Variants in GRID2 observed in about 807,000 individuals in gnomAD.
GRID2 encodes the protein glutamate ionotropic receptor delta type subunit 2, also known as glutamate receptor ionotropic, delta-2.
Under a neutral mutation model 114.8 loss-of-function variants are expected in GRID2, and 33 were observed. That is an observed-to-expected ratio of 0.29 (90% CI 0.22 to 0.38). GRID2 has a LOEUF of 0.38. GRID2 is among the 10% of genes least tolerant of loss of function. The pLI is 1.00. For missense variants in GRID2, 1,184 were observed against 1,257.7 expected (o/e 0.94, Z 0.89); for synonymous variants, 505 against 449.9 (o/e 1.12, Z -1.55).
intron 8 of GRID2, among the ~76,000 whole-genome samples, chr4:93,260,144 C>T (rs1463445951): frequency 6.6e-6 from 1 of 151,626 alleles, no homozygotes; most frequent in African/African-American, 2.4e-5. Context: ...ACCATTGATA[C>T]TTTGCCCTAC....
intron 2 of GRID2, among the ~76,000 whole-genome samples, chr4:92,914,106 GTTTAT>G (rs1457142351): frequency 6.6e-6 from 1 of 151,932 alleles, no homozygotes; most frequent in East Asian, 1.9e-4. Context: ...TCGATCTTTG[GTTTAT>G]TTTAGCATCC....
At chr4:93,550,471 T>C (rs1269389772) in intron 13 of GRID2, among the ~76,000 whole-genome samples, 2 of 152,194 alleles carry the variant, frequency 1.3e-5, no homozygotes, top group African/African-American at 4.8e-5. Flanking sequence ...CCATGACCCT[T>C]TGATCAGCAA....
intron 14 of GRID2, among the ~76,000 whole-genome samples, chr4:93,681,946 A>C (rs1046204380): frequency 6.6e-6 from 1 of 151,216 alleles, no homozygotes; most frequent in African/African-American, 2.4e-5. Flanking sequence ...TCATTAAACT[A>C]AAGAGCTTCT....
chr4:93,679,956 A>C (rs1362636069), intron 14 of GRID2, among the ~76,000 whole-genome samples: 4 of 151,180 alleles, frequency 2.6e-5, no homozygotes, highest in African/African-American at 9.8e-5. Flanking sequence ...ATAGAGACCA[A>C]AAAAACCTTT....
At chr4:92,382,621 A>G (rs1729674091) in intron 1 of GRID2, among the ~76,000 whole-genome samples, 1 of 152,094 alleles carries the variant, frequency 6.6e-6, no homozygotes, top group Non-Finnish European at 1.5e-5. Context: ...AGAATGAGTT[A>G]TTGATTATAT....
At chr4:92,668,802 A>C (rs907442602) in intron 2 of GRID2, among the ~76,000 whole-genome samples, 1 of 151,870 alleles carries the variant, frequency 6.6e-6, no homozygotes, top group South Asian at 2.1e-4. Context: ...CTGCTTACTT[A>C]TGCATAAATA....
chr4:92,905,489 T>G (rs1228309808), intron 2 of GRID2, among the ~76,000 whole-genome samples: 1 of 152,078 alleles, frequency 6.6e-6, no homozygotes, highest in Non-Finnish European at 1.5e-5. Flanking sequence ...CATTAAAATA[T>G]GATTGAATTT....
intron 2 of GRID2, among the ~76,000 whole-genome samples, chr4:92,774,688 C>CCTCA (rs1738704889): frequency 6.6e-6 from 1 of 150,826 alleles, no homozygotes; most frequent in Non-Finnish European, 1.5e-5. Context: ...CTCCACCTCC[C>CCTCA]AGTCTCAAGT....
At chr4:93,403,044 C>T (rs1054590616) in intron 9 of GRID2, among the ~76,000 whole-genome samples, 3 of 152,072 alleles carry the variant, frequency 2.0e-5, no homozygotes, top group African/African-American at 4.8e-5. Flanking sequence ...TGTCAAGAGA[C>T]TCTACTGGGC....
chr4:93,257,324 A>G (rs1259410125), intron 8 of GRID2, among the ~76,000 whole-genome samples: 1 of 151,822 alleles, frequency 6.6e-6, no homozygotes, highest in Non-Finnish European at 1.5e-5. Context: ...TGAATGATGT[A>G]GCCCTGTTAC....
chr4:92,936,242 T>C (rs1287739449), intron 2 of GRID2, among the ~76,000 whole-genome samples: 1 of 146,508 alleles, frequency 6.8e-6, no homozygotes, highest in Non-Finnish European at 1.5e-5. Flanking sequence ...ATCTGTTGAC[T>C]AATAGTTCAA....
chr4:92,531,605 G>C (rs778980493), intron 1 of GRID2, among the ~76,000 whole-genome samples: 18 of 152,138 alleles, frequency 1.2e-4, no homozygotes, highest in Admixed American at 9.8e-4. Flanking sequence ...ATTTTGAATA[G>C]GTCATCACTG....
At chr4:92,306,765 G>T (rs1200657645) in intron 1 of GRID2, among the ~76,000 whole-genome samples, 1 of 152,164 alleles carries the variant, frequency 6.6e-6, no homozygotes. Flanking sequence ...ACTGTTGTCT[G>T]TCAGAGTGGC....
At chr4:92,596,221 T>TATTC (rs10546629) in intron 2 of GRID2, among the ~76,000 whole-genome samples, 31,217 of 151,246 alleles carry the variant, frequency 0.21, 3,516 homozygotes, top group East Asian at 0.37. Flanking sequence ...GGTATGATTC[T>TATTC]ATTCATTCAT....
At chr4:92,315,180 TAGC>T (rs1233724310) in intron 1 of GRID2, among the ~76,000 whole-genome samples, 3 of 152,200 alleles carry the variant, frequency 2.0e-5, no homozygotes, top group Non-Finnish European at 2.9e-5. Flanking sequence ...AGCATGCTAA[TAGC>T]AGGTGAATTA....
intron 14 of GRID2, 146 bp from the exon 15 acceptor site, chr4:93,769,064 G>A: frequency 1.4e-6 from 1 of 713,664 alleles, no homozygotes; most frequent in Non-Finnish European, 2.4e-6. Context: ...CTGTTTCCTA[G>A]CATTCCATCT....
intron 2 of GRID2, among the ~76,000 whole-genome samples, chr4:92,851,311 TG>T (rs1284439239): frequency 1.3e-5 from 2 of 151,910 alleles, no homozygotes; most frequent in Non-Finnish European, 2.9e-5. Flanking sequence ...AAATATGACA[TG>T]GTAATTTGAC....
intron 1 of GRID2, among the ~76,000 whole-genome samples, chr4:92,442,654 A>T (rs1179022401): frequency 6.6e-6 from 1 of 151,822 alleles, no homozygotes; most frequent in Admixed American, 6.6e-5. Context: ...TTGGGAGCAG[A>T]TTGGGTAATA....
intron 2 of GRID2, among the ~76,000 whole-genome samples, chr4:93,020,353 A>G (rs929410680): frequency 1.3e-5 from 2 of 152,128 alleles, no homozygotes; most frequent in Non-Finnish European, 2.9e-5. Context: ...AGCTGTAATA[A>G]AATTTTAAAA....
Sources: allele counts gnomAD v4.1 joint callset (sites outside exome capture counted in the v4.1 genomes callset), GRCh38; gene constraint gnomAD v4.1.1; transcripts MANE v1.5; gene names NCBI Gene and HGNC (gene_info 2026-07-23, HGNC 2026-07-21).